SYNE1: variants seen among roughly 807,000 people sequenced by gnomAD.
SYNE1 encodes the protein spectrin repeat containing nuclear envelope protein 1.
In SYNE1, 616 loss-of-function variants were observed where a neutral mutation model predicts 1,111.0. The observed-to-expected ratio is 0.55, with a 90% CI of 0.52 to 0.59. SYNE1 has a LOEUF of 0.59. SYNE1 is among the 20% of genes least tolerant of loss of function. The pLI is 0.00. For missense variants in SYNE1, 10,006 were observed against 10,417.0 expected (o/e 0.96, Z 1.72); for synonymous variants, 3,855 against 3,825.8 (o/e 1.01, Z -0.28).
In SYNE1 at chr6:152,293,126, G is replaced by A. The variant is rs562437840; in HGVS notation, c.18012+462C>T. Among the ~76,000 whole-genome samples the A allele has an allele frequency of 3.9e-5, 6 of 152,288 alleles. No individual in the cohort carries two copies. In the South Asian group the frequency reaches 1.2e-3, roughly 32 times the overall value. On this transcript the variant is annotated intron_variant, in intron 95 of 145. Coordinates refer to ENST00000367255, the MANE Select transcript of SYNE1 (RefSeq NM_182961.4). ...AGGGACAATCACAAGATGAGACTTA[G>A]AACTTATGAAGTCTGAGATGTATTT...
intron 111 of SYNE1, among the ~76,000 whole-genome samples, chr6:152,234,183 C>A (rs1261718819): frequency 6.6e-6 from 1 of 152,228 alleles, no homozygotes; most frequent in African/African-American, 2.4e-5. Flanking sequence ...TGTTGAGTCA[C>A]TGAGCCCTAT....
At chr6:152,248,091 C>G (rs972186566) in intron 105 of SYNE1, among the ~76,000 whole-genome samples, 2 of 152,128 alleles carry the variant, frequency 1.3e-5, no homozygotes, top group Non-Finnish European at 2.9e-5. Flanking sequence ...TTCTTTCTCT[C>G]CAGTACAGCT....
intron 3 of SYNE1, among the ~76,000 whole-genome samples, chr6:152,586,161 T>G (rs2128469327): frequency 6.6e-6 from 1 of 152,314 alleles, no homozygotes; most frequent in Middle Eastern, 3.4e-3. Context: ...CTCATAACTC[T>G]TCTTTTGTAG....
At chr6:152,197,096 C>T (rs1453967805) in intron 127 of SYNE1, among the ~76,000 whole-genome samples, 9 of 152,174 alleles carry the variant, frequency 5.9e-5, no homozygotes, top group Non-Finnish European at 1.2e-4. Context: ...CCTCGATATG[C>T]ACAGATGCTC....
At chr6:152,192,922 T>C (rs534211984) in intron 127 of SYNE1, among the ~76,000 whole-genome samples, 1 of 152,274 alleles carries the variant, frequency 6.6e-6, no homozygotes, top group South Asian at 2.1e-4. Context: ...AGAATATCGT[T>C]TTCCATCCCT....
intron 128 of SYNE1, among the ~76,000 whole-genome samples, chr6:152,182,513 AT>A (rs1233983186): frequency 6.6e-6 from 1 of 152,104 alleles, no homozygotes; most frequent in Non-Finnish European, 1.5e-5. Context: ...AACTGTTAAC[AT>A]TTTGCTATAT....
intron 84 of SYNE1, among the ~76,000 whole-genome samples, chr6:152,320,997 CTT>C (rs1554439740): frequency 1.3e-5 from 2 of 151,966 alleles, no homozygotes; most frequent in Non-Finnish European, 2.9e-5. Flanking sequence ...TTCTTTAAGT[CTT>C]TTTTTAAAGG....
chr6:152,579,764 A>G (rs1225171809), intron 3 of SYNE1, among the ~76,000 whole-genome samples: 2 of 152,168 alleles, frequency 1.3e-5, no homozygotes, highest in Non-Finnish European at 2.9e-5. Context: ...ACAGGTAACA[A>G]CATGTGGTAC....
chr6:152,338,477 C>G (rs2096456906), intron 75 of SYNE1, among the ~76,000 whole-genome samples: 1 of 151,950 alleles, frequency 6.6e-6, no homozygotes, highest in South Asian at 2.1e-4. Flanking sequence ...TAAAAATTAG[C>G]TGGGTGTGAT....
At chr6:152,419,515 A>C (rs1291029209) in intron 40 of SYNE1, 54 bp downstream of exon 40, 4 of 1,545,692 alleles carry the variant, frequency 2.6e-6, no homozygotes, top group Non-Finnish European at 3.5e-6. Context: ...TAATTCAAGA[A>C]CTTTTTTATG....
Position 152,231,331 on chromosome 6 carries a change from G to C in SYNE1, c.21039+60C>G, listed in dbSNP as rs114726682. The C allele has an allele frequency of 2.0e-3, 3,215 of 1,581,430 alleles. 59 individuals are homozygous for C. The African/African-American group carries it at 0.038, about 18-fold the overall frequency. On this transcript the variant is annotated intron_variant, in intron 114 of 145. Coordinates refer to ENST00000367255, the MANE Select transcript of SYNE1 (RefSeq NM_182961.4). ...ACTTGTGAACCCAGTCTTCCTTACA[G>C]AGTGTGCCTGTTCTTGGGGTTTTCA... is the stretch of plus-strand genomic sequence containing the variant.
At chr6:152,579,611 T>C (rs193215133) in intron 3 of SYNE1, among the ~76,000 whole-genome samples, 380 of 152,294 alleles carry the variant, frequency 2.5e-3, no homozygotes, top group African/African-American at 8.3e-3. Context: ...CAGATTATTT[T>C]GTCACCCAGG....
intron 130 of SYNE1, among the ~76,000 whole-genome samples, chr6:152,166,757 TTTA>T (rs2063741602): frequency 6.6e-6 from 1 of 152,198 alleles, no homozygotes; most frequent in Non-Finnish European, 1.5e-5. Flanking sequence ...TTTTCATTTT[TTTA>T]AAAATTGTGT....
intron 128 of SYNE1, among the ~76,000 whole-genome samples, chr6:152,183,895 A>G (rs1018025922): frequency 3.2e-4 from 49 of 152,176 alleles, no homozygotes; most frequent in African/African-American, 1.1e-3. Context: ...GGGTGCAAAT[A>G]TGATTAAATA....
rs371990192 is a variant in SYNE1, at chr6:152,341,608, G to A, written c.12226-2242C>T. On this transcript the variant is annotated intron_variant, in intron 74 of 145. Coordinates refer to ENST00000367255, the MANE Select transcript of SYNE1 (RefSeq NM_182961.4). ...TGAGGGTTTATTGGGTTTACTAGAC[G>A]GGTGGTGTTGGGGATACACACTGCA... is the stretch of plus-strand genomic sequence containing the variant. 7.9e-5 allele frequency among the ~76,000 whole-genome samples: 12 copies of A among 152,218 alleles called. No homozygotes were observed. In the East Asian group the frequency reaches 1.7e-3, roughly 22 times the overall value.
Position 152,331,652 on chromosome 6 carries a change from C to T in SYNE1, c.13033G>A (p.Glu4345Lys). 1 of 1,614,198 alleles carries T rather than the reference C, an allele frequency of 6.2e-7. No homozygotes were observed. Among genetic ancestry groups the T allele is most frequent in the Non-Finnish European group, 8.5e-7 (1 of 1,180,036 alleles). ...AATCTGGACTGCACCACATTTAACT[C>T]CTCCAAGTTGGTGACTGACACTTGG... is the stretch of plus-strand genomic sequence containing the variant. ...KIQVSVTNLE[E>K]LNVVQSRFQE... Residue 4345 changes from glutamate to lysine, a missense_variant, in exon 78 of 146, where the codon GAG becomes AAG. Glu to Lys is a moderately conservative substitution (Grantham distance 56). This residue lies in a region of SYNE1 where 4,955 missense variants were observed against 5,017.2 expected (regional missense o/e 0.99). Coordinates refer to ENST00000367255, the MANE Select transcript of SYNE1 (RefSeq NM_182961.4).
chr6:152,540,689 C>A (rs957700517), intron 3 of SYNE1, among the ~76,000 whole-genome samples: 4 of 152,204 alleles, frequency 2.6e-5, no homozygotes, highest in South Asian at 2.1e-4. Flanking sequence ...TTATGATACT[C>A]CAGCTTAGCT....
At chr6:152,439,697 A>G (rs143001667) in intron 32 of SYNE1, among the ~76,000 whole-genome samples, 2 of 152,302 alleles carry the variant, frequency 1.3e-5, no homozygotes, top group Non-Finnish European at 2.9e-5. Flanking sequence ...TGCAGGTAAG[A>G]AAACAGAAAC....
intron 108 of SYNE1, 107 bp from the exon 109 acceptor site, chr6:152,237,055 C>A: frequency 1.4e-6 from 2 of 1,471,614 alleles, no homozygotes; most frequent in Admixed American, 3.9e-5. Context: ...AAAGTTATAT[C>A]AGAGATGTTT....
Sources: allele counts gnomAD v4.1 joint callset (sites outside exome capture counted in the v4.1 genomes callset), GRCh38; gene constraint gnomAD v4.1.1; regional missense constraint gnomAD v4.1.1; transcripts MANE v1.5; gene names NCBI Gene and HGNC (gene_info 2026-07-23, HGNC 2026-07-21).